CNTNAP2: variants seen among roughly 807,000 people sequenced by gnomAD.
CNTNAP2 encodes contactin-associated protein-like 2.
In CNTNAP2, 98 loss-of-function variants were observed where a neutral mutation model predicts 155.2. The ratio of observed to expected loss-of-function variants is 0.63; its 90% CI spans 0.54 to 0.75. The LOEUF is 0.75. Ranked by LOEUF, CNTNAP2 falls within the 30% of genes least tolerant of loss-of-function variation. The pLI is 0.00. For missense variants in CNTNAP2, 1,727 were observed against 1,688.1 expected (o/e 1.02, Z -0.40); for synonymous variants, 651 against 631.2 (o/e 1.03, Z -0.47).
intron 20 of CNTNAP2, among the ~76,000 whole-genome samples, chr7:148,247,454 G>A (rs1479725410): frequency 6.6e-6 from 1 of 151,812 alleles, no homozygotes; most frequent in Non-Finnish European, 1.5e-5. Context: ...ATTCCCATCA[G>A]CAAATAAGCA....
chr7:146,490,105 G>C (rs540262833), intron 1 of CNTNAP2, among the ~76,000 whole-genome samples: 174 of 152,232 alleles, frequency 1.1e-3, no homozygotes, highest in African/African-American at 4.1e-3. Flanking sequence ...GTTTGGAGGG[G>C]GGATTTCACT....
intron 21 of CNTNAP2, among the ~76,000 whole-genome samples, chr7:148,283,753 G>A (rs78880472): frequency 0.021 from 3,205 of 152,284 alleles, 36 homozygotes; most frequent in Non-Finnish European, 0.025. Context: ...AAGACGCTGC[G>A]ATCTGTCCTG....
At chr7:147,829,814 C>T (rs851715) in intron 13 of CNTNAP2, among the ~76,000 whole-genome samples, 114,746 of 151,942 alleles carry the variant, frequency 0.76, 44,481 homozygotes, top group African/African-American at 0.94. Context: ...GAGTGACCAC[C>T]GGGCATCTGC....
intron 1 of CNTNAP2, among the ~76,000 whole-genome samples, chr7:146,407,153 G>A (rs2129109958): frequency 6.6e-6 from 1 of 152,196 alleles, no homozygotes; most frequent in South Asian, 2.1e-4. Context: ...TTCTAATTTT[G>A]TCTAAGGTTT....
At chr7:146,935,077 C>T (rs1044976139) in intron 3 of CNTNAP2, among the ~76,000 whole-genome samples, 4 of 152,180 alleles carry the variant, frequency 2.6e-5, no homozygotes, top group Non-Finnish European at 4.4e-5. Flanking sequence ...AGGCGTCCCT[C>T]CACATTCTTG....
intron 1 of CNTNAP2, among the ~76,000 whole-genome samples, chr7:146,700,191 A>G (rs1800851777): frequency 1.3e-5 from 2 of 151,980 alleles, no homozygotes; most frequent in African/African-American, 2.4e-5. Context: ...TCATTAGTCA[A>G]TTATCCCTTC....
intron 1 of CNTNAP2, among the ~76,000 whole-genome samples, chr7:146,279,878 C>G (rs1442328125): frequency 2.6e-5 from 4 of 151,194 alleles, no homozygotes; most frequent in Non-Finnish European, 5.9e-5. Context: ...ACATCTAAAA[C>G]AAACTTAAAA....
At chr7:146,834,791 T>C (rs1803584696) in intron 2 of CNTNAP2, among the ~76,000 whole-genome samples, 1 of 152,164 alleles carries the variant, frequency 6.6e-6, no homozygotes, top group African/African-American at 2.4e-5. Flanking sequence ...CTACAATACA[T>C]TGGGAACTTT....
At chr7:147,547,659 C>T (rs192165417) in intron 11 of CNTNAP2, among the ~76,000 whole-genome samples, 52 of 151,618 alleles carry the variant, frequency 3.4e-4, no homozygotes, top group African/African-American at 1.2e-3. Context: ...ACAACAACAA[C>T]GGGATACATG....
intron 1 of CNTNAP2, among the ~76,000 whole-genome samples, chr7:146,343,585 G>A (rs1238669860): frequency 6.6e-6 from 1 of 152,044 alleles, no homozygotes; most frequent in African/African-American, 2.4e-5. Context: ...GGAATTTGCA[G>A]TAATACTTGA....
intron 2 of CNTNAP2, among the ~76,000 whole-genome samples, chr7:146,830,081 ACT>A (rs1426408824): frequency 6.6e-6 from 1 of 151,978 alleles, no homozygotes; most frequent in Admixed American, 6.6e-5. Context: ...TAGCCGTTTA[ACT>A]CTCTGATTCC....
At chr7:147,954,756 T>C (rs1406617275) in intron 14 of CNTNAP2, among the ~76,000 whole-genome samples, 2 of 152,234 alleles carry the variant, frequency 1.3e-5, no homozygotes, top group African/African-American at 4.8e-5. Flanking sequence ...GTATCCAAAG[T>C]GTGTTAGACA....
chr7:147,308,205 G>A (rs1434421160), intron 9 of CNTNAP2, among the ~76,000 whole-genome samples: 1 of 152,222 alleles, frequency 6.6e-6, no homozygotes, highest in Non-Finnish European at 1.5e-5. Context: ...CCGATATCCA[G>A]CTGGTGTGTG....
intron 18 of CNTNAP2, among the ~76,000 whole-genome samples, chr7:148,202,299 T>C (rs1204488075): frequency 6.6e-6 from 1 of 152,118 alleles, no homozygotes; most frequent in Non-Finnish European, 1.5e-5. Context: ...TTTGGGAGTG[T>C]TTCAGATAGT....
At chr7:146,956,461 G>T (rs1287590742) in intron 3 of CNTNAP2, among the ~76,000 whole-genome samples, 1 of 152,150 alleles carries the variant, frequency 6.6e-6, no homozygotes, top group Non-Finnish European at 1.5e-5. Context: ...AAGGAAAAGT[G>T]CTGTCTTCCA....
At chr7:147,583,065 A>G (rs1362892739) in intron 12 of CNTNAP2, among the ~76,000 whole-genome samples, 4 of 152,160 alleles carry the variant, frequency 2.6e-5, no homozygotes, top group African/African-American at 9.7e-5. Flanking sequence ...ATTATTGTTC[A>G]GAGACCTTGT....
intron 20 of CNTNAP2, among the ~76,000 whole-genome samples, chr7:148,244,553 G>A (rs1585212772): frequency 1.4e-5 from 2 of 141,368 alleles, no homozygotes; most frequent in East Asian, 4.3e-4. Context: ...GGTTTTGTGT[G>A]TGTGTGTTTT....
intron 16 of CNTNAP2, among the ~76,000 whole-genome samples, chr7:148,121,750 C>T (rs1027579003): frequency 6.6e-6 from 1 of 152,106 alleles, no homozygotes; most frequent in Admixed American, 6.6e-5. Flanking sequence ...TAATGAGATA[C>T]CATCAGCATC....
chr7:148,069,830 A>C (rs1446173106), intron 15 of CNTNAP2, among the ~76,000 whole-genome samples: 1 of 152,112 alleles, frequency 6.6e-6, no homozygotes, highest in East Asian at 1.9e-4. Flanking sequence ...CAACTCTCTA[A>C]AACTAAGACT....
Sources: allele counts gnomAD v4.1 joint callset (sites outside exome capture counted in the v4.1 genomes callset), GRCh38; gene constraint gnomAD v4.1.1; transcripts MANE v1.5; gene names NCBI Gene and HGNC (gene_info 2026-07-23, HGNC 2026-07-21).